Variants in ZNRF2 observed in about 807,000 individuals in gnomAD.
The protein encoded by ZNRF2 is zinc and ring finger 2.
In ZNRF2, 16 loss-of-function variants were observed where a neutral mutation model predicts 20.4. That is an observed-to-expected ratio of 0.79 (90% CI 0.53 to 1.19). ZNRF2 has a LOEUF of 1.19. Ranked by LOEUF, ZNRF2 falls within the 50% of genes most tolerant of loss-of-function variation. The probability of loss-of-function intolerance (pLI) is 0.00; values close to 1 mark genes in which losing one functional copy is unlikely to be tolerated. For synonymous variants in ZNRF2, 178 were observed against 144.9 expected, an observed-to-expected ratio of 1.23 and a Z score of -1.64; for missense variants, 363 against 332.4, an observed-to-expected ratio of 1.09 and a Z score of -0.72.
intron 2 of ZNRF2, among the ~76,000 whole-genome samples, chr7:30,354,438 T>A: frequency 6.6e-6 from 1 of 152,182 alleles, no homozygotes. Context: ...TCTTCTCTTA[T>A]GTAGACCAAA....
chr7:30,291,875 A>G (rs1798917357), intron 1 of ZNRF2, among the ~76,000 whole-genome samples: 1 of 152,212 alleles, frequency 6.6e-6, no homozygotes, highest in South Asian at 2.1e-4. Flanking sequence ...ATTTTAAGAG[A>G]CAGGGAGAGG....
chr7:30,296,201 A>G (rs1489888220), intron 1 of ZNRF2, among the ~76,000 whole-genome samples: 2 of 152,344 alleles, frequency 1.3e-5, no homozygotes, highest in Middle Eastern at 3.4e-3. Flanking sequence ...TTTTATTTGT[A>G]TAATGTAAAT....
intron 2 of ZNRF2, among the ~76,000 whole-genome samples, chr7:30,339,736 T>C (rs1799767566): frequency 1.3e-5 from 2 of 152,208 alleles, no homozygotes; most frequent in African/African-American, 4.8e-5. Context: ...ACGATTGTCT[T>C]GGCTCTATGG....
intron 1 of ZNRF2, among the ~76,000 whole-genome samples, chr7:30,305,031 G>C (rs1307119200): frequency 6.6e-6 from 1 of 152,150 alleles, no homozygotes; most frequent in African/African-American, 2.4e-5. Context: ...ATATTTTACT[G>C]TTATCTGTGT....
chr7:30,357,174 A>G (rs1310860400), intron 3 of ZNRF2, among the ~76,000 whole-genome samples: 1 of 152,174 alleles, frequency 6.6e-6, no homozygotes, highest in African/African-American at 2.4e-5. Flanking sequence ...GTGTATATGT[A>G]TTTGTATCTG....
In ZNRF2 at chr7:30,285,201, G is replaced by A. The variant is rs188569942; in HGVS notation, c.-157G>A. On this transcript the variant is annotated 5_prime_UTR_variant, in exon 1 of 5. Coordinates refer to ENST00000323037, the MANE Select transcript of ZNRF2 (RefSeq NM_147128.4). ...CCCCAAGAAGAGCGCGCCGGGCGCC[G>A]ACTGCCCCTCTGGACGCCGGGCGGC... The A allele has an allele frequency of 4.0e-6, 2 of 505,834 alleles. No homozygotes were observed. Among genetic ancestry groups the A allele is most frequent in the Non-Finnish European group, 6.1e-6 (2 of 326,040 alleles). 31.3% of individuals were successfully genotyped at this position (505,834 alleles called of 1,614,324 possible).
At chr7:30,349,842 A>AT (rs988348501) in intron 2 of ZNRF2, among the ~76,000 whole-genome samples, 3 of 151,696 alleles carry the variant, frequency 2.0e-5, no homozygotes, top group Non-Finnish European at 4.4e-5. Context: ...CAATAGTTCC[A>AT]TTTTTTTTCT....
At chr7:30,312,981 T>C (rs1799314175) in intron 1 of ZNRF2, among the ~76,000 whole-genome samples, 1 of 152,214 alleles carries the variant, frequency 6.6e-6, no homozygotes, top group South Asian at 2.1e-4. Context: ...ATATATCTTA[T>C]AATATTTTAG....
At chr7:30,346,993 T>A (rs937945957) in intron 2 of ZNRF2, among the ~76,000 whole-genome samples, 3 of 152,144 alleles carry the variant, frequency 2.0e-5, no homozygotes, top group Admixed American at 1.3e-4. Flanking sequence ...ATTGAAAAAT[T>A]ACGGGTTTTT....
chr7:30,285,468 C>T lies in ZNRF2; in HGVS notation c.111C>T (p.Gly37=). The part of the protein sequence containing the change: ...SSGGANGTAG[G]GGGARAAAAG... ...GAGGCGCCAATGGGACCGCGGGCGG[C>T]GGCGGGGGCGCTCGGGCCGCCGCCG... Residue 37 remains glycine (G), a synonymous_variant, in exon 1 of 5, where the codon GGC becomes GGT. Coordinates refer to ENST00000323037, the MANE Select transcript of ZNRF2 (RefSeq NM_147128.4). 1 of 1,117,708 alleles carries T rather than the reference C, an allele frequency of 8.9e-7. No individual in the cohort carries two copies. The highest frequency in any genetic ancestry group is 1.1e-6 in the Non-Finnish European group (1 of 913,730). 69.2% of individuals were successfully genotyped at this position (1,117,708 alleles called of 1,614,324 possible).
chr7:30,300,870 A>G (rs2391865), intron 1 of ZNRF2, among the ~76,000 whole-genome samples: 6,050 of 152,284 alleles, frequency 0.04, 394 homozygotes, highest in African/African-American at 0.14. Context: ...CTTTCTGCTT[A>G]TATGTTTCTT....
intron 1 of ZNRF2, among the ~76,000 whole-genome samples, chr7:30,320,208 A>G (rs1456620083): frequency 1.3e-5 from 2 of 150,168 alleles, no homozygotes; most frequent in Non-Finnish European, 3.0e-5. Flanking sequence ...TATGTTATAT[A>G]TGTAGATCTC....
At chr7:30,290,353 C>G (rs1465289531) in intron 1 of ZNRF2, among the ~76,000 whole-genome samples, 3 of 152,200 alleles carry the variant, frequency 2.0e-5, no homozygotes, top group African/African-American at 7.2e-5. Flanking sequence ...CTTGCAATTT[C>G]TGTGGGTCAA....
chr7:30,325,747 G>A (rs1799541065), intron 2 of ZNRF2, among the ~76,000 whole-genome samples: 1 of 152,114 alleles, frequency 6.6e-6, no homozygotes, highest in Admixed American at 6.6e-5. Flanking sequence ...TGTGAAAGTG[G>A]TTTTAAGCAG....
chr7:30,313,269 G>A (rs1249146108), intron 1 of ZNRF2, among the ~76,000 whole-genome samples: 1 of 152,174 alleles, frequency 6.6e-6, no homozygotes, highest in Non-Finnish European at 1.5e-5. Context: ...AGAGGCTAGA[G>A]TTCATTGTTG....
chr7:30,291,143 A>T lies in ZNRF2; in HGVS notation c.469+5317A>T, dbSNP rs114906738. Among the ~76,000 whole-genome samples, 299 of 152,362 alleles carry T rather than the reference A, an allele frequency of 2.0e-3. 2 individuals carry two copies. Among genetic ancestry groups the T allele is most frequent in the African/African-American group, 7.0e-3 (289 of 41,576 alleles). On this transcript the variant is annotated intron_variant, in intron 1 of 4. Coordinates refer to ENST00000323037, the MANE Select transcript of ZNRF2 (RefSeq NM_147128.4). Reference sequence around the variant, plus strand: ...CAGTACAGACTAAAGAAAAATCCACAAAAGTGTGGGTTTTGATAGGGCATA... The same window carrying T: ...CAGTACAGACTAAAGAAAAATCCACTAAAGTGTGGGTTTTGATAGGGCATA...
chr7:30,333,199 G>A (rs939885201), intron 2 of ZNRF2, among the ~76,000 whole-genome samples: 8 of 151,094 alleles, frequency 5.3e-5, no homozygotes, highest in South Asian at 2.1e-4. Flanking sequence ...GATTACAGGC[G>A]CCTGCCACCA....
chr7:30,323,724 A>C lies in ZNRF2; in HGVS notation c.552A>C (p.Arg184=), dbSNP rs1315851501. The change falls in exon 2 of 5, where the codon CGA becomes CGC. Residue 184 remains arginine, a synonymous_variant. Coordinates refer to ENST00000323037, the MANE Select transcript of ZNRF2 (RefSeq NM_147128.4). ...LHLVMCLTKP[R]ITYNEDVLSK... ...TTGTAATGTGTTTAACAAAGCCACG[A>C]ATAACCTATAATGGTAAGTCCAATG... The C allele has an allele frequency of 6.3e-7, 1 of 1,583,298 alleles. No homozygotes were observed.
intron 1 of ZNRF2, among the ~76,000 whole-genome samples, chr7:30,317,795 A>G (rs576825044): frequency 5.3e-5 from 8 of 152,158 alleles, no homozygotes; most frequent in Non-Finnish European, 1.2e-4. Context: ...AAACAGAGAG[A>G]GTGTAGGTTC....
Sources: allele counts gnomAD v4.1 joint callset (sites outside exome capture counted in the v4.1 genomes callset), GRCh38; gene constraint gnomAD v4.1.1; transcripts MANE v1.5; gene names NCBI Gene and HGNC (gene_info 2026-07-23, HGNC 2026-07-21).